FOXP2: variants seen among roughly 807,000 people sequenced by gnomAD.
FOXP2 encodes forkhead box protein P2.
In FOXP2, 12 loss-of-function variants were observed where a neutral mutation model predicts 115.8. The observed-to-expected ratio is 0.10, with a 90% CI of 0.07 to 0.17. FOXP2 has a LOEUF of 0.17. Among genes scored for constraint, FOXP2 ranks in the 10% least tolerant of loss-of-function variants. The pLI, the probability that FOXP2 is intolerant of heterozygous loss-of-function variation, is 1.00. For synonymous variants in FOXP2, 328 were observed against 297.7 expected, an observed-to-expected ratio of 1.10 and a Z score of -1.05; for missense variants, 629 against 843.5, an observed-to-expected ratio of 0.75 and a Z score of 3.15.
chr7:114,618,206 G>T (rs1037758854), intron 3 of FOXP2, among the ~76,000 whole-genome samples: 1 of 152,094 alleles, frequency 6.6e-6, no homozygotes, highest in African/African-American at 2.4e-5. Context: ...GCAAACTTTT[G>T]CTGGATGGAT....
At chr7:114,362,329 A>G (rs1247623187) in intron 2 of FOXP2, among the ~76,000 whole-genome samples, 37 of 152,140 alleles carry the variant, frequency 2.4e-4, no homozygotes, top group Admixed American at 2.4e-3. Flanking sequence ...TGATACTCAC[A>G]GATTATGGTC....
chr7:114,676,075 AT>A (rs11327459), intron 16 of FOXP2, among the ~76,000 whole-genome samples: 8,116 of 89,648 alleles, frequency 0.091, 256 homozygotes, highest in African/African-American at 0.25. Flanking sequence ...AGGCCCGGCT[AT>A]TTTTTTTTTT....
intron 1 of FOXP2, among the ~76,000 whole-genome samples, chr7:114,425,269 T>C (rs1319848824): frequency 6.6e-6 from 1 of 151,642 alleles, no homozygotes; most frequent in African/African-American, 2.4e-5. Context: ...GAGTGATAAG[T>C]TTACTGTCCT....
intron 3 of FOXP2, among the ~76,000 whole-genome samples, chr7:114,578,374 C>T (rs564000601): frequency 1.3e-5 from 2 of 151,982 alleles, no homozygotes; most frequent in South Asian, 4.2e-4. Flanking sequence ...CCTATATGGA[C>T]TGATAGTGTA....
At chr7:114,122,031 G>A (rs1252818916) in intron 1 of FOXP2, among the ~76,000 whole-genome samples, 3 of 152,024 alleles carry the variant, frequency 2.0e-5, no homozygotes. Context: ...GAACTTGATA[G>A]CATTATAATT....
chr7:114,287,606 G>GC (rs1314008644), intron 1 of FOXP2, among the ~76,000 whole-genome samples: 3 of 151,960 alleles, frequency 2.0e-5, no homozygotes, highest in Non-Finnish European at 4.4e-5. Flanking sequence ...ATCCTACAAA[G>GC]CTCATTAAGT....
At chr7:114,299,706 T>C (rs1796831214) in intron 2 of FOXP2, among the ~76,000 whole-genome samples, 1 of 152,032 alleles carries the variant, frequency 6.6e-6, no homozygotes, top group Non-Finnish European at 1.5e-5. Context: ...TTAATCATTA[T>C]TTGAGGAGTT....
At chr7:114,314,730 G>T (rs1364804762) in intron 2 of FOXP2, among the ~76,000 whole-genome samples, 2 of 152,116 alleles carry the variant, frequency 1.3e-5, no homozygotes, top group African/African-American at 4.8e-5. Flanking sequence ...TATAAATTTG[G>T]AAAGAAGCTA....
chr7:114,292,498 C>G (rs565182050), intron 2 of FOXP2, among the ~76,000 whole-genome samples: 1 of 152,076 alleles, frequency 6.6e-6, no homozygotes, highest in African/African-American at 2.4e-5. Context: ...CTTACCTTTT[C>G]TCTTTACTCT....
At chr7:114,279,802 G>C (rs988554700) in intron 1 of FOXP2, among the ~76,000 whole-genome samples, 15 of 152,084 alleles carry the variant, frequency 9.9e-5, no homozygotes, top group Middle Eastern at 3.4e-3. Context: ...CATAGAAGAG[G>C]TGATGAGCTT....
intron 1 of FOXP2, among the ~76,000 whole-genome samples, chr7:114,094,674 T>C (rs573459697): frequency 9.2e-5 from 14 of 152,326 alleles, no homozygotes; most frequent in African/African-American, 3.4e-4. Context: ...TTTACTTTTT[T>C]CTTTTGAGAC....
intron 1 of FOXP2, among the ~76,000 whole-genome samples, chr7:114,133,071 C>T (rs1009395405): frequency 6.6e-6 from 1 of 152,050 alleles, no homozygotes; most frequent in African/African-American, 2.4e-5. Context: ...ATAACTTAAA[C>T]AAGAGTAGTA....
intron 1 of FOXP2, among the ~76,000 whole-genome samples, chr7:114,173,864 T>C (rs888274217): frequency 6.6e-6 from 1 of 152,032 alleles, no homozygotes; most frequent in Admixed American, 6.6e-5. Flanking sequence ...GCTTATAGTC[T>C]ATCTAAAACT....
intron 2 of FOXP2, among the ~76,000 whole-genome samples, chr7:114,528,834 G>A (rs1269135793): frequency 6.6e-6 from 1 of 151,532 alleles, no homozygotes; most frequent in Non-Finnish European, 1.5e-5. Context: ...ATCTATTTGG[G>A]AAAATAATAA....
chr7:114,613,441 C>T (rs1042895342), intron 3 of FOXP2, among the ~76,000 whole-genome samples: 1 of 151,980 alleles, frequency 6.6e-6, no homozygotes, highest in Admixed American at 6.6e-5. Context: ...TTTAGGAGGC[C>T]AAGGCAGGCG....
At chr7:114,383,758 C>T (rs550787215) in intron 2 of FOXP2, among the ~76,000 whole-genome samples, 35 of 151,806 alleles carry the variant, frequency 2.3e-4, no homozygotes, top group Middle Eastern at 6.8e-3. Flanking sequence ...ATACATCTTA[C>T]GGGCATTTTT....
At chr7:114,480,395 C>A (rs1477634668) in intron 2 of FOXP2, among the ~76,000 whole-genome samples, 1 of 151,524 alleles carries the variant, frequency 6.6e-6, no homozygotes, top group Non-Finnish European at 1.5e-5. Context: ...AGTCCATATT[C>A]ACAAAAGAAA....
At chr7:114,316,437 G>A (rs369807932) in intron 2 of FOXP2, among the ~76,000 whole-genome samples, 2 of 152,156 alleles carry the variant, frequency 1.3e-5, no homozygotes, top group Non-Finnish European at 2.9e-5. Flanking sequence ...AACAAAACAG[G>A]TATAGTCCCT....
At chr7:114,204,210 A>G (rs1794145179) in intron 1 of FOXP2, among the ~76,000 whole-genome samples, 1 of 152,360 alleles carries the variant, frequency 6.6e-6, no homozygotes, top group South Asian at 2.1e-4. Flanking sequence ...ACTCATTTCA[A>G]TGGTACTTTT....
Sources: gnomAD v4.1 joint callset for allele counts (sites outside exome capture counted in the v4.1 genomes callset) on GRCh38, gnomAD v4.1.1 for gene constraint, MANE v1.5 for transcripts, NCBI Gene and HGNC (gene_info 2026-07-23, HGNC 2026-07-21) for gene names.